The following DDX10 variants were observed in gnomAD, a reference collection of about 807,000 sequenced individuals.
The protein encoded by DDX10 is DEAD-box helicase 10.
DDX10 carries 74 observed loss-of-function variants against 104.3 expected under a neutral mutation model. The ratio of observed to expected loss-of-function variants is 0.71; its 90% confidence interval spans 0.59 to 0.86. The LOEUF is 0.86. Among genes scored for constraint, DDX10 ranks in the 40% least tolerant of loss-of-function variants. The pLI is 0.00. For synonymous variants in DDX10, 351 were observed against 353.4 expected (o/e 0.99, Z 0.08); for missense variants, 952 against 1,040.0 (o/e 0.92, Z 1.16).
At chr11:108,718,780 G>T (rs894609926) in intron 11 of DDX10, among the ~76,000 whole-genome samples, 1 of 152,184 alleles carries the variant, frequency 6.6e-6, no homozygotes, top group Non-Finnish European at 1.5e-5. Context: ...TTATAATCTG[G>T]ATAGAACAAA....
At chr11:108,923,625 C>T (rs1023828378) in intron 17 of DDX10, among the ~76,000 whole-genome samples, 1 of 152,164 alleles carries the variant, frequency 6.6e-6, no homozygotes, top group Non-Finnish European at 1.5e-5. Context: ...CCTGCTTTCA[C>T]AAAGCTTTTT....
chr11:108,773,690 G>A (rs1208863105), intron 13 of DDX10, among the ~76,000 whole-genome samples: 1 of 151,858 alleles, frequency 6.6e-6, no homozygotes, highest in Non-Finnish European at 1.5e-5. Flanking sequence ...CTTAAGGGTT[G>A]GCATTAGTCT....
chr11:108,830,574 T>C (rs1257550569), intron 13 of DDX10, among the ~76,000 whole-genome samples: 4 of 152,204 alleles, frequency 2.6e-5, no homozygotes, highest in African/African-American at 9.7e-5. Flanking sequence ...CTAAGACTTC[T>C]AGTACTGTGT....
intron 15 of DDX10, among the ~76,000 whole-genome samples, chr11:108,841,689 T>C (rs1323533312): frequency 6.6e-6 from 1 of 152,188 alleles, no homozygotes; most frequent in Non-Finnish European, 1.5e-5. Context: ...CTTAAATCTG[T>C]CTTTGGTCTG....
intron 13 of DDX10, among the ~76,000 whole-genome samples, chr11:108,814,998 A>G (rs997971660): frequency 4.6e-5 from 7 of 152,352 alleles, no homozygotes; most frequent in Middle Eastern, 3.4e-3. Context: ...CATCAGAGCT[A>G]ATCTGGAAGT....
intron 13 of DDX10, among the ~76,000 whole-genome samples, chr11:108,763,592 G>T (rs2094353213): frequency 1.3e-5 from 2 of 152,024 alleles, no homozygotes; most frequent in South Asian, 4.2e-4. Context: ...TTTAAAATGG[G>T]CTAAAAAGCT....
chr11:108,841,174 A>T, intron 14 of DDX10, 141 bp from the exon 15 acceptor site: 1 of 664,440 alleles, frequency 1.5e-6, no homozygotes, highest in African/African-American at 1.8e-5. Context: ...CTTGAAGTTG[A>T]TTAGAAGATT....
chr11:108,933,995 C>T (rs191744792), intron 17 of DDX10, among the ~76,000 whole-genome samples: 54 of 152,260 alleles, frequency 3.5e-4, no homozygotes, highest in African/African-American at 1.2e-3. Flanking sequence ...GTAATCTAAT[C>T]GAAGATAAGC....
At chr11:108,915,363 C>T (rs1863733023) in intron 16 of DDX10, among the ~76,000 whole-genome samples, 1 of 150,782 alleles carries the variant, frequency 6.6e-6, no homozygotes, top group South Asian at 2.1e-4. Context: ...TTGTATTCAC[C>T]AATATTTCTC....
chr11:108,900,168 T>C (rs1000871202), intron 16 of DDX10, among the ~76,000 whole-genome samples: 1 of 152,124 alleles, frequency 6.6e-6, no homozygotes, highest in Non-Finnish European at 1.5e-5. Context: ...TCTTGCCATG[T>C]GAGACACTGG....
chr11:108,899,963 A>C (rs561979336), intron 16 of DDX10, among the ~76,000 whole-genome samples: 370 of 152,286 alleles, frequency 2.4e-3, no homozygotes, highest in African/African-American at 8.2e-3. Flanking sequence ...AATACAAAAA[A>C]TTAGCTGGGC....
chr11:108,807,016 C>G (rs1862110914), intron 13 of DDX10, among the ~76,000 whole-genome samples: 1 of 152,214 alleles, frequency 6.6e-6, no homozygotes, highest in Admixed American at 6.5e-5. Flanking sequence ...TCTGTTTACC[C>G]TGGCTGCTGT....
chr11:108,852,097 G>A, intron 15 of DDX10, 56 bp from the exon 16 acceptor site: 1 of 1,338,310 alleles, frequency 7.5e-7, no homozygotes, highest in Admixed American at 2.1e-5. Flanking sequence ...TGAATGTGTA[G>A]TCTGTTTTAT....
chr11:108,808,947 G>A (rs941047665), intron 13 of DDX10, among the ~76,000 whole-genome samples: 1 of 152,102 alleles, frequency 6.6e-6, no homozygotes, highest in Non-Finnish European at 1.5e-5. Flanking sequence ...AAGTTTGTCT[G>A]TAGTATTGAT....
At chr11:108,926,217 G>T (rs1198365887) in intron 17 of DDX10, among the ~76,000 whole-genome samples, 1 of 152,020 alleles carries the variant, frequency 6.6e-6, no homozygotes, top group African/African-American at 2.4e-5. Flanking sequence ...CTTAACCTGG[G>T]CTCTATGGAT....
At position 108,911,556 on chromosome 11, in the gene DDX10, CTTTTTTTTTTTTTTT is replaced by C. The variant is rs869132450; in HGVS notation, c.2305-6300_2305-6286del. On this transcript the variant is annotated intron_variant, in intron 16 of 17. Coordinates refer to ENST00000322536, the MANE Select transcript of DDX10 (RefSeq NM_004398.4). ...GTTCCCAAAAGCTTTGCCTCCTCTT[CTTTTTTTTTTTTTTT>C]TTTTTTTTTTTTTTTTGAGACAGGA... Among the ~76,000 whole-genome samples, 208 of 63,766 alleles carry C rather than the reference CTTTTTTTTTTTTTTT, an allele frequency of 3.3e-3. 2 individuals are homozygous for C. The highest frequency in any genetic ancestry group is 8.9e-3 in the African/African-American group (133 of 14,974). The allele number at this position is 63,766 out of a possible 152,430, so 41.8% of individuals were successfully genotyped here.
chr11:108,694,846 A>G (rs1316641333), intron 9 of DDX10, among the ~76,000 whole-genome samples: 5 of 152,224 alleles, frequency 3.3e-5, no homozygotes, highest in Non-Finnish European at 4.4e-5. Flanking sequence ...GCACCACTGC[A>G]TTCCAGCCTG....
At chr11:108,750,124 G>T (rs1163425818) in intron 13 of DDX10, among the ~76,000 whole-genome samples, 1 of 152,170 alleles carries the variant, frequency 6.6e-6, no homozygotes, top group Non-Finnish European at 1.5e-5. Context: ...ATGGAAATGA[G>T]AAGCCATTTT....
At chr11:108,896,649 C>T (rs1412838758) in intron 16 of DDX10, among the ~76,000 whole-genome samples, 1 of 152,100 alleles carries the variant, frequency 6.6e-6, no homozygotes, top group Non-Finnish European at 1.5e-5. Context: ...AAATCATAAT[C>T]ATTCTGTAAC....
Sources: allele counts gnomAD v4.1 joint callset (sites outside exome capture counted in the v4.1 genomes callset), GRCh38; gene constraint gnomAD v4.1.1; transcripts MANE v1.5; gene names NCBI Gene and HGNC (gene_info 2026-07-23, HGNC 2026-07-21).